Variants in NMNAT2 observed in about 807,000 individuals in gnomAD.
NMNAT2 encodes the protein nicotinamide/nicotinic acid mononucleotide adenylyltransferase 2.
A neutral mutation model predicts 41.6 loss-of-function variants in NMNAT2; 11 were observed. The observed-to-expected ratio is 0.26, with a 90% confidence interval of 0.17 to 0.44. The LOEUF is 0.44. Ranked by LOEUF, NMNAT2 falls within the 20% of genes least tolerant of loss-of-function variation. The pLI is 1.00. For synonymous variants in NMNAT2, 148 were observed against 151.2 expected (o/e 0.98, Z 0.16); for missense variants, 288 against 407.7 (o/e 0.71, Z 2.53).
intron 1 of NMNAT2, among the ~76,000 whole-genome samples, chr1:183,394,794 G>A (rs964372443): frequency 2.0e-5 from 3 of 152,218 alleles, no homozygotes; most frequent in Non-Finnish European, 4.4e-5. Flanking sequence ...ACAGGCAGAT[G>A]TCTTCGCAAG....
At chr1:183,405,686 G>A (rs1375734330) in intron 1 of NMNAT2, among the ~76,000 whole-genome samples, 2 of 151,956 alleles carry the variant, frequency 1.3e-5, no homozygotes, top group Admixed American at 6.6e-5. Context: ...TATTTTTATT[G>A]TTTTTTTTGT....
chr1:183,381,807 T>C (rs1269009696), intron 1 of NMNAT2, among the ~76,000 whole-genome samples: 1 of 152,272 alleles, frequency 6.6e-6, no homozygotes, highest in Admixed American at 6.5e-5. Context: ...TTTAACTCAT[T>C]ATTCCTCACA....
chr1:183,261,871 T>C (rs1004188308), intron 8 of NMNAT2, among the ~76,000 whole-genome samples: 17 of 151,956 alleles, frequency 1.1e-4, no homozygotes, highest in African/African-American at 4.1e-4. Flanking sequence ...ATGATTAGGG[T>C]CACTTCAGAG....
chr1:183,367,462 T>C (rs900036689), intron 1 of NMNAT2, among the ~76,000 whole-genome samples: 3 of 151,574 alleles, frequency 2.0e-5, no homozygotes, highest in Non-Finnish European at 4.4e-5. Context: ...CTGTCTCAAG[T>C]AAATAAATAA....
chr1:183,292,804 A>G lies in NMNAT2; in HGVS notation c.228T>C (p.Asn76=). 1 of 1,613,984 alleles carries G rather than the reference A, an allele frequency of 6.2e-7. No individual in the cohort carries two copies. Among genetic ancestry groups the G allele is most frequent in the Non-Finnish European group, 8.5e-7 (1 of 1,179,968 alleles). Residue 76 remains asparagine, a synonymous_variant, in exon 3 of 11, where the codon AAT becomes AAC. Transcript: ENST00000287713. The part of the protein sequence containing the change: ...RLIMCQLAVQ[N]SDWIRVDPWE... ...GCCAGTCCTACCTGATCCAATCAGA[A>G]TTCTGGACGGCCAGCTGACACATGA...
At chr1:183,346,098 CCT>C (rs1309584681) in intron 1 of NMNAT2, among the ~76,000 whole-genome samples, 2 of 152,102 alleles carry the variant, frequency 1.3e-5, no homozygotes, top group South Asian at 2.1e-4. Flanking sequence ...ACATCTGTCC[CCT>C]GATTCCCAGC....
At chr1:183,330,018 G>A (rs10911313) in intron 1 of NMNAT2, among the ~76,000 whole-genome samples, 68,080 of 151,966 alleles carry the variant, frequency 0.45, 16,259 homozygotes, top group East Asian at 0.78. Flanking sequence ...TATCGAACGG[G>A]GAGACAAGGG....
At chr1:183,405,113 G>A (rs1648918956) in intron 1 of NMNAT2, among the ~76,000 whole-genome samples, 1 of 152,122 alleles carries the variant, frequency 6.6e-6, no homozygotes, top group Admixed American at 6.6e-5. Flanking sequence ...CCAGCTAGTT[G>A]GAAGGCTGAG....
intron 10 of NMNAT2, among the ~76,000 whole-genome samples, chr1:183,257,609 T>C (rs1046210769): frequency 2.0e-5 from 3 of 152,230 alleles, no homozygotes; most frequent in African/African-American, 7.2e-5. Context: ...AGATTATCTT[T>C]TTAAAGGAAT....
intron 10 of NMNAT2, among the ~76,000 whole-genome samples, chr1:183,254,273 G>C (rs12043964): frequency 6.6e-6 from 1 of 152,088 alleles, no homozygotes; most frequent in Non-Finnish European, 1.5e-5. Context: ...TTTGATAATA[G>C]CTATTCTAAT....
Position 183,316,401 on chromosome 1 carries a change from G to A in NMNAT2, c.86-22608C>T, listed in dbSNP as rs868058506. ...GGGCTGGCCCCTCTGTCTCCTGCAGGCCCTCCAGCTTGAAAAGAGAGCAAA... is the reference window on the plus strand; with the variant it reads ...GGGCTGGCCCCTCTGTCTCCTGCAGACCCTCCAGCTTGAAAAGAGAGCAAA... On this transcript the variant is annotated intron_variant, in intron 1 of 10. Coordinates refer to ENST00000287713, the MANE Select transcript of NMNAT2 (RefSeq NM_015039.4). 1.5e-4 allele frequency among the ~76,000 whole-genome samples: 23 copies of A among 152,258 alleles called. No homozygotes were observed. In the Middle Eastern group the frequency reaches 0.01, roughly 68 times the overall value.
chr1:183,410,665 T>C (rs1285717833), intron 1 of NMNAT2, among the ~76,000 whole-genome samples: 2 of 152,144 alleles, frequency 1.3e-5, no homozygotes, highest in Non-Finnish European at 2.9e-5. Context: ...TCCCTAGAAA[T>C]TCCTTAATGC....
chr1:183,406,268 A>G (rs1648951535), intron 1 of NMNAT2, among the ~76,000 whole-genome samples: 1 of 152,178 alleles, frequency 6.6e-6, no homozygotes, highest in Non-Finnish European at 1.5e-5. Context: ...GAATGTAATG[A>G]CATCCAGATA....
intron 5 of NMNAT2, among the ~76,000 whole-genome samples, chr1:183,285,927 G>C (rs1571573833): frequency 1.3e-5 from 2 of 152,176 alleles, no homozygotes; most frequent in South Asian, 2.1e-4. Context: ...GGGGATTCTG[G>C]GTGCGGACCG....
chr1:183,417,340 A>C, intron 1 of NMNAT2, among the ~76,000 whole-genome samples: 1 of 151,460 alleles, frequency 6.6e-6, no homozygotes, highest in South Asian at 2.1e-4. Context: ...CCTCCCCCCA[A>C]CACGCACACG....
At chr1:183,298,785 CAA>C (rs1661771340) in intron 1 of NMNAT2, among the ~76,000 whole-genome samples, 1 of 152,018 alleles carries the variant, frequency 6.6e-6, no homozygotes, top group Admixed American at 6.6e-5. Context: ...ACAACAACAA[CAA>C]GAGACATACT....
intron 1 of NMNAT2, among the ~76,000 whole-genome samples, chr1:183,364,825 G>A (rs575408110): frequency 5.3e-5 from 8 of 152,124 alleles, no homozygotes; most frequent in South Asian, 2.1e-4. Context: ...CAGAGTAGGC[G>A]GGATTACAGG....
At position 183,319,932 on chromosome 1, in the gene NMNAT2, A is replaced by G. The variant is rs577286578; in HGVS notation, c.86-26139T>C. On this transcript the variant is annotated intron_variant, in intron 1 of 10. Transcript: ENST00000287713. ...TCTCATTATGGTAGGAAAGTCATTT[A>G]TTCACCACTATTAACAGCCTCTCCC... is the stretch of plus-strand genomic sequence containing the variant. Among the ~76,000 whole-genome samples the G allele has an allele frequency of 2.7e-3, 412 of 152,302 alleles. 1 individual carries two copies. Among genetic ancestry groups the G allele is most frequent in the African/African-American group, 9.4e-3 (389 of 41,568 alleles).
intron 8 of NMNAT2, among the ~76,000 whole-genome samples, chr1:183,277,140 G>A (rs748272750): frequency 1.3e-3 from 205 of 152,108 alleles, no homozygotes; most frequent in Non-Finnish European, 9.1e-4. Context: ...ATGGGACGTA[G>A]GTACTATTAT....
Sources: allele counts gnomAD v4.1 joint callset (sites outside exome capture counted in the v4.1 genomes callset), GRCh38; gene constraint gnomAD v4.1.1; transcripts MANE v1.5; gene names NCBI Gene and HGNC (gene_info 2026-07-23, HGNC 2026-07-21).